Variants in ABR observed in about 807,000 individuals in gnomAD.
ABR encodes ABR activator of RhoGEF and GTPase, also known as active breakpoint cluster region-related protein.
In ABR, 35 loss-of-function variants were observed where a neutral mutation model predicts 107.2. The observed-to-expected ratio is 0.33, with a 90% CI of 0.25 to 0.43. The LOEUF is 0.43. Among genes scored for constraint, ABR ranks in the 20% least tolerant of loss-of-function variants. The pLI, the probability that ABR is intolerant of heterozygous loss-of-function variation, is 1.00. For synonymous variants in ABR, 498 were observed against 462.0 expected, an observed-to-expected ratio of 1.08 and a Z score of -1.00; for missense variants, 815 against 1,115.2, an observed-to-expected ratio of 0.73 and a Z score of 3.83.
chr17:1,054,100 A>T (rs2151051300), intron 14 of ABR, among the ~76,000 whole-genome samples: 1 of 152,264 alleles, frequency 6.6e-6, no homozygotes, highest in East Asian at 1.9e-4. Flanking sequence ...CCAGGAAGGA[A>T]CCTTGAGCCC....
intron 4 of ABR, among the ~76,000 whole-genome samples, chr17:1,087,410 G>A (rs948257516): frequency 1.3e-5 from 2 of 152,200 alleles, no homozygotes; most frequent in East Asian, 3.9e-4. Flanking sequence ...GGGCAGGGGA[G>A]CGGGGGGCAT....
At chr17:1,214,700 C>T (rs1310749647) in intron 1 of ABR, among the ~76,000 whole-genome samples, 1 of 152,142 alleles carries the variant, frequency 6.6e-6, no homozygotes, top group Non-Finnish European at 1.5e-5. Context: ...ACTCGGGAGG[C>T]TGAGGCAGGA....
chr17:1,049,439 T>G (rs1049423005), intron 16 of ABR, among the ~76,000 whole-genome samples: 1 of 152,112 alleles, frequency 6.6e-6, no homozygotes, highest in East Asian at 1.9e-4. Context: ...GTGCTGGGAT[T>G]ACAGGCGTGA....
intron 21 of ABR, among the ~76,000 whole-genome samples, chr17:1,008,227 C>T (rs1164527301): frequency 6.6e-6 from 1 of 152,204 alleles, no homozygotes; most frequent in African/African-American, 2.4e-5. Context: ...CCAGGCAGGC[C>T]CAGGGTCAGC....
chr17:1,186,921 G>A (rs1252629982), exon 1 of ABR: 1 of 152,360 alleles, frequency 6.6e-6, no homozygotes, highest in Non-Finnish European at 1.5e-5. Context: ...AGGGAAACAA[G>A]AGCACGTCCA....
chr17:1,170,299 G>A (rs370541875), intron 1 of ABR, among the ~76,000 whole-genome samples: 95 of 152,246 alleles, frequency 6.2e-4, no homozygotes, highest in African/African-American at 2.0e-3. Flanking sequence ...AAATACCAGC[G>A]TCAAGGAGCC....
intron 16 of ABR, among the ~76,000 whole-genome samples, chr17:1,030,107 C>T (rs887973945): frequency 6.6e-6 from 1 of 152,262 alleles, no homozygotes; most frequent in East Asian, 1.9e-4. Context: ...CAGAGATCCC[C>T]ATCAGACACG....
intron 3 of ABR, among the ~76,000 whole-genome samples, chr17:1,093,736 G>C (rs2037197056): frequency 6.6e-6 from 1 of 152,076 alleles, no homozygotes; most frequent in South Asian, 2.1e-4. Flanking sequence ...TCCCAGCCCA[G>C]CCTCACTCCA....
Position 1,057,155 on chromosome 17 carries a change from G to A in ABR, c.1382-53C>T, listed in dbSNP as rs531455538. ...GCGTGGGCACTGGTCCACCAGGACCGGCTGCTCTTCCCTGGGGGCTGCTGC... is the reference window on the plus strand; with the variant it reads ...GCGTGGGCACTGGTCCACCAGGACCAGCTGCTCTTCCCTGGGGGCTGCTGC... On this transcript the variant is annotated intron_variant, in intron 12 of 22. Coordinates refer to ENST00000302538, the MANE Select transcript of ABR (RefSeq NM_021962.5). The A allele has an allele frequency of 2.0e-5, 25 of 1,265,872 alleles. No individual in the cohort carries two copies. In the Admixed American group the frequency reaches 2.8e-4, roughly 14 times the overall value. The allele number at this position is 1,265,872 out of a possible 1,614,324, so 78.4% of individuals were successfully genotyped here.
At chr17:1,201,511 C>A (rs1421893835) in intron 1 of ABR, among the ~76,000 whole-genome samples, 2 of 152,084 alleles carry the variant, frequency 1.3e-5, no homozygotes, top group African/African-American at 2.4e-5. Context: ...CACCTCTCTC[C>A]GGAGGGTAAA....
intron 16 of ABR, among the ~76,000 whole-genome samples, chr17:1,029,199 C>T (rs973881419): frequency 4.0e-5 from 6 of 151,894 alleles, no homozygotes; most frequent in African/African-American, 9.7e-5. Context: ...CCAGATGCCA[C>T]GTGTCTCCCA....
Position 1,050,101 on chromosome 17 carries a change from G to C in ABR, c.1740C>G (p.Asn580Lys), listed in dbSNP as rs1473497076. The C allele has an allele frequency of 1.2e-6, 2 of 1,614,016 alleles. No individual in the cohort carries two copies. Among genetic ancestry groups the C allele is most frequent in the Non-Finnish European group, 1.7e-6 (2 of 1,180,032 alleles). Residue 580 changes from asparagine to lysine, a missense_variant, in exon 16 of 23, where the codon AAC becomes AAG. Around this residue, in one of 5 missense-constraint regions of ABR, gnomAD observed 92 missense variants for 82.3 expected, o/e 1.12. Coordinates refer to ENST00000302538, the MANE Select transcript of ABR (RefSeq NM_021962.5). This position sits in a 1 kb window ranked among gnomAD's most constrained non-coding sequence, Gnocchi z 4.6. Reference protein sequence around the residue: ...YEKCYDKTKVNKDNNEIVDKI... With the variant: ...YEKCYDKTKVKKDNNEIVDKI... ...TGTCCACGATCTCATTGTTGTCCTT[G>C]TTGACCTTGGTCTTGTCATAGCACT... is the stretch of plus-strand genomic sequence containing the variant.
chr17:1,175,964 G>A (rs750369479), intron 1 of ABR, among the ~76,000 whole-genome samples: 50 of 152,194 alleles, frequency 3.3e-4, no homozygotes, highest in South Asian at 1.9e-3. Flanking sequence ...GGTGGCGGGC[G>A]CCTGCAGTCC....
At chr17:1,012,946 C>A in intron 17 of ABR, 149 bp from the exon 18 acceptor site, 1 of 1,054,460 alleles carries the variant, frequency 9.5e-7, no homozygotes, top group Non-Finnish European at 1.4e-6. Context: ...AGGACAGCAG[C>A]GGGCAGGGTG....
intron 1 of ABR, among the ~76,000 whole-genome samples, chr17:1,207,537 T>C (rs2042811917): frequency 6.7e-6 from 1 of 148,296 alleles, no homozygotes; most frequent in Non-Finnish European, 1.5e-5. Flanking sequence ...TAATCCCAGC[T>C]ACTCAGGAGG....
intron 1 of ABR, among the ~76,000 whole-genome samples, chr17:1,204,459 C>A (rs547244287): frequency 1.3e-3 from 195 of 151,930 alleles, no homozygotes; most frequent in Admixed American, 3.3e-3. Context: ...AACAAACAAA[C>A]AAAAAAAATG....
Position 1,064,601 on chromosome 17 carries a change from C to T in ABR, c.1182+2476G>A, listed in dbSNP as rs1265169661. ...ACACTGCTGTTATGTGAACTGAGGG[C>T]TATGTATGTTCCTCTAGACACTGTT... On this transcript the variant is annotated intron_variant, in intron 10 of 22. Coordinates refer to ENST00000302538, the MANE Select transcript of ABR (RefSeq NM_021962.5). Among the ~76,000 whole-genome samples the T allele has an allele frequency of 1.3e-4, 15 of 111,928 alleles. 1 individual carries two copies. The South Asian group carries it at 3.9e-3, about 29-fold the overall frequency. The allele number at this position is 111,928 out of a possible 152,430, so 73.4% of individuals were successfully genotyped here. A position where few individuals can be genotyped will look rare whatever the true frequency, so the allele number is the denominator to read the frequency against.
At chr17:1,191,354 C>CTTTTTTTTTTTTTTTTT (rs761910557), upstream of ABR, among the ~76,000 whole-genome samples, 1 of 96,490 alleles carries the variant, frequency 1.0e-5, no homozygotes, top group Non-Finnish European at 2.0e-5. Context: ...TTTTTCTTTT[C>CTTTTTTTTTTTTTTTTT]TTTTTTTTTT....
At chr17:1,189,278 G>C (rs570210395), upstream of ABR, among the ~76,000 whole-genome samples, 1 of 152,156 alleles carries the variant, frequency 6.6e-6, no homozygotes, top group East Asian at 1.9e-4. Context: ...AGCAACTGAA[G>C]GCTTGCTCTA....
Sources: gnomAD v4.1 joint callset for allele counts (sites outside exome capture counted in the v4.1 genomes callset) on GRCh38, gnomAD v4.1.1 for gene constraint, gnomAD v4.1.1 regional missense constraint, Gnocchi (gnomAD v3.1) non-coding constraint, MANE v1.5 for transcripts, NCBI Gene and HGNC (gene_info 2026-07-23, HGNC 2026-07-21) for gene names.